The following PTPRQ variants were observed in gnomAD, a reference collection of about 807,000 sequenced individuals.
The protein encoded by PTPRQ is protein tyrosine phosphatase receptor type Q.
Under a neutral mutation model 246.0 loss-of-function variants are expected in PTPRQ, and 199 were observed. The ratio of observed to expected loss-of-function variants is 0.81; its 90% CI spans 0.72 to 0.91. The LOEUF (loss-of-function observed/expected upper bound fraction) is 0.91. Among genes scored for constraint, PTPRQ ranks in the 40% least tolerant of loss-of-function variants. The pLI is 0.00. For missense variants in PTPRQ, 2,624 were observed against 2,528.4 expected, an observed-to-expected ratio of 1.04 and a Z score of -0.81; for synonymous variants, 869 against 853.2, an observed-to-expected ratio of 1.02 and a Z score of -0.32.
chr12:80,445,576 T>C lies in PTPRQ; in HGVS notation c.249T>C (p.Asn83=). ...CTTGGAATACACCACCTAATCCAAA[T>C]GGAAGGATTATATCTTACATTGTCA... ...LLSWNTPPNP[N]GRIISYIVKY... is the part of the protein sequence containing the mutation. The change falls in exon 3 of 45, where the codon AAT becomes AAC. Residue 83 remains asparagine, a synonymous_variant. Coordinates refer to ENST00000644991, the MANE Select transcript of PTPRQ (RefSeq NM_001145026.2). The C allele has an allele frequency of 6.5e-7, 1 of 1,549,284 alleles. No individual in the cohort carries two copies.
chr12:80,549,857 A>G (rs1896419651), intron 25 of PTPRQ, 123 bp downstream of exon 25: 1 of 1,332,204 alleles, frequency 7.5e-7, no homozygotes, highest in Non-Finnish European at 9.9e-7. Context: ...AAAAAATACA[A>G]CACAGGCTTT....
intron 8 of PTPRQ, among the ~76,000 whole-genome samples, chr12:80,481,275 A>G (rs978387951): frequency 6.6e-5 from 10 of 152,216 alleles, no homozygotes; most frequent in African/African-American, 1.7e-4. Context: ...GACAAAAATC[A>G]CATGATTATC....
At chr12:80,535,992 A>G (rs571356658) in intron 19 of PTPRQ, among the ~76,000 whole-genome samples, 60 of 152,306 alleles carry the variant, frequency 3.9e-4, no homozygotes, top group Admixed American at 1.0e-3. Context: ...CTGTAGTCCC[A>G]GCTACTGGGG....
intron 25 of PTPRQ, among the ~76,000 whole-genome samples, chr12:80,572,511 T>C (rs1332565903): frequency 1.3e-5 from 2 of 152,152 alleles, no homozygotes; most frequent in Admixed American, 6.5e-5. Flanking sequence ...TGTTTGTTTG[T>C]TTTGCCTTAT....
At position 80,542,712 on chromosome 12, in the gene PTPRQ, T is replaced by C. The variant is rs1464343394; in HGVS notation, c.3722-18T>C. Reference sequence around the variant, plus strand: ...AAAAGTTTTATGAATGTAAGTTTCTTCATGTGTTTTCCTACAGTGCCGTTA... The same window carrying C: ...AAAAGTTTTATGAATGTAAGTTTCTCCATGTGTTTTCCTACAGTGCCGTTA... On this transcript the variant is annotated intron_variant, in intron 22 of 44. Transcript: ENST00000644991. The C allele has an allele frequency of 1.3e-6, 2 of 1,525,660 alleles. No homozygotes were observed. Among genetic ancestry groups the C allele is most frequent in the Non-Finnish European group, 1.8e-6 (2 of 1,139,028 alleles). The allele number at this position is 1,525,660 out of a possible 1,614,324, so 94.5% of individuals were successfully genotyped here.
rs528629575 is a variant in PTPRQ at position 80,506,193 on chromosome 12, C to T, written c.2442C>T (p.Thr814=). 8 of 1,483,788 alleles carry T rather than the reference C, an allele frequency of 5.4e-6. No individual in the cohort carries two copies. The South Asian group carries it at 9.9e-5, about 18-fold the overall frequency. 91.9% of individuals were successfully genotyped at this position (1,483,788 alleles called of 1,614,324 possible). A position where few individuals can be genotyped will look rare whatever the true frequency, so the allele number is the denominator to read the frequency against. The change falls in exon 15 of 45, where the codon ACC becomes ACT. Residue 814 remains threonine (T), a synonymous_variant. Coordinates refer to ENST00000644991, the MANE Select transcript of PTPRQ (RefSeq NM_001145026.2). ...GAACTATAAATACAACCTCTTTAAC[C>T]CAAAACATTAAAGGTAAAAGAACAA... ...EERTINTTSL[T]QNIKVLKKYT...
chr12:80,489,893 G>T (rs1169854525), intron 9 of PTPRQ, among the ~76,000 whole-genome samples: 1 of 151,876 alleles, frequency 6.6e-6, no homozygotes, highest in African/African-American at 2.4e-5. Context: ...ACATATTGCT[G>T]CCTAGTATTA....
intron 17 of PTPRQ, among the ~76,000 whole-genome samples, chr12:80,522,426 T>C (rs1895528025): frequency 6.6e-6 from 1 of 152,156 alleles, no homozygotes; most frequent in African/African-American, 2.4e-5. Context: ...AGAGAGGGCA[T>C]CCCTGTCTTG....
chr12:80,678,217 T>C (rs1415283309), intron 43 of PTPRQ, among the ~76,000 whole-genome samples: 1 of 152,164 alleles, frequency 6.6e-6, no homozygotes. Flanking sequence ...AAAAGTAAAT[T>C]TAGCATTTGT....
intron 25 of PTPRQ, among the ~76,000 whole-genome samples, chr12:80,563,435 G>A (rs1486670064): frequency 1.3e-5 from 2 of 152,016 alleles, no homozygotes; most frequent in African/African-American, 4.8e-5. Flanking sequence ...TGAGGGCAGA[G>A]CCCTCATGAG....
intron 25 of PTPRQ, among the ~76,000 whole-genome samples, chr12:80,570,031 T>C (rs553432228): frequency 6.6e-6 from 1 of 152,324 alleles, no homozygotes; most frequent in East Asian, 1.9e-4. Flanking sequence ...TGAATAGTGC[T>C]GCACTAAACA....
At chr12:80,537,461 A>G (rs1166846673) in intron 19 of PTPRQ, among the ~76,000 whole-genome samples, 1 of 152,204 alleles carries the variant, frequency 6.6e-6, no homozygotes, top group Non-Finnish European at 1.5e-5. Flanking sequence ...TCTTGTAGAA[A>G]AAGAATTGTG....
chr12:80,645,055 C>A (rs1490556738), intron 35 of PTPRQ, among the ~76,000 whole-genome samples: 1 of 151,932 alleles, frequency 6.6e-6, no homozygotes, highest in African/African-American at 2.4e-5. Flanking sequence ...GCTTTCTTAT[C>A]TTATATAAAC....
At chr12:80,561,379 G>A in intron 25 of PTPRQ, 1 of 152,762 alleles carries the variant, frequency 6.5e-6, no homozygotes, top group Non-Finnish European at 1.5e-5. Context: ...GGAAGGTGCT[G>A]CTCACTGCCA....
At chr12:80,483,926 T>A (rs192515493) in intron 8 of PTPRQ, among the ~76,000 whole-genome samples, 3 of 152,192 alleles carry the variant, frequency 2.0e-5, no homozygotes, top group Admixed American at 6.6e-5. Context: ...ATCCTTTTTT[T>A]AAGACTTATT....
intron 41 of PTPRQ, among the ~76,000 whole-genome samples, chr12:80,670,092 C>A (rs947191428): frequency 6.6e-6 from 1 of 152,058 alleles, no homozygotes; most frequent in Non-Finnish European, 1.5e-5. Flanking sequence ...AAATGGCATA[C>A]TATATTTGAA....
intron 26 of PTPRQ, among the ~76,000 whole-genome samples, chr12:80,603,745 G>T (rs576112086): frequency 6.6e-6 from 1 of 151,216 alleles, no homozygotes; most frequent in Non-Finnish European, 1.5e-5. Context: ...CCCTAACCCT[G>T]CTCTATCCTT....
At position 80,455,659 on chromosome 12, in the gene PTPRQ, C is replaced by T. The variant is rs542294434; in HGVS notation, c.391-1916C>T. ...AGGCTGGAGTGCAGTGGCCCGATCT[C>T]GGCTCACTGCAAGCTCCGCCTCCCA... On this transcript the variant is annotated intron_variant, in intron 3 of 44. Coordinates refer to ENST00000644991, the MANE Select transcript of PTPRQ (RefSeq NM_001145026.2). Among the ~76,000 whole-genome samples, 542 of 150,924 alleles carry T rather than the reference C, an allele frequency of 3.6e-3. 1 individual carries two copies. Among genetic ancestry groups the T allele is most frequent in the Non-Finnish European group, 6.5e-3 (444 of 67,828 alleles).
chr12:80,648,259 T>C (rs1900141330), intron 35 of PTPRQ, among the ~76,000 whole-genome samples: 3 of 152,156 alleles, frequency 2.0e-5, no homozygotes, highest in African/African-American at 7.2e-5. Flanking sequence ...TAATTTGTTG[T>C]GCATGACGTA....
Sources: gnomAD v4.1 joint callset for allele counts (sites outside exome capture counted in the v4.1 genomes callset) on GRCh38, gnomAD v4.1.1 for gene constraint, MANE v1.5 for transcripts, NCBI Gene and HGNC (gene_info 2026-07-23, HGNC 2026-07-21) for gene names.